Variants in THRAP3 observed in about 807,000 individuals in gnomAD.
THRAP3 encodes the protein thyroid hormone receptor associated protein 3.
In THRAP3, 16 loss-of-function variants were observed where a neutral mutation model predicts 101.0. The observed-to-expected ratio is 0.16, with a 90% confidence interval of 0.11 to 0.24. The LOEUF is 0.24. Ranked by LOEUF, THRAP3 falls within the 10% of genes least tolerant of loss-of-function variation. The pLI is 1.00. For synonymous variants in THRAP3, 407 were observed against 422.6 expected, an observed-to-expected ratio of 0.96 and a Z score of 0.45; for missense variants, 989 against 1,202.7, an observed-to-expected ratio of 0.82 and a Z score of 2.63.
intron 1 of THRAP3, among the ~76,000 whole-genome samples, chr1:36,255,303 A>G (rs981323306): frequency 6.6e-6 from 1 of 152,116 alleles, no homozygotes; most frequent in African/African-American, 2.4e-5. Context: ...GAGTGGGCAA[A>G]GTGTTTCCTT....
At position 36,255,676 on chromosome 1, in the gene THRAP3, G is replaced by T. The variant is rs556722490; in HGVS notation, c.-134-3706G>T. On this transcript the variant is annotated intron_variant, in intron 1 of 11. Transcript: ENST00000354618. ...TAATCCCAGCTACTAGGGAGGCTGA[G>T]GCAGGAGAATTGCTTGATCCCAGGA... Among the ~76,000 whole-genome samples the T allele has an allele frequency of 1.4e-4, 21 of 152,038 alleles. No homozygotes were observed. The South Asian group carries it at 3.7e-3, about 27-fold the overall frequency.
chr1:36,264,704 G>A (rs1261208798), intron 2 of THRAP3, among the ~76,000 whole-genome samples: 2 of 152,004 alleles, frequency 1.3e-5, no homozygotes, highest in Non-Finnish European at 2.9e-5. Context: ...ATCTCTTTTG[G>A]TCTTAACTGT....
intron 1 of THRAP3, among the ~76,000 whole-genome samples, chr1:36,239,328 C>A (rs886999569): frequency 1.7e-4 from 25 of 146,994 alleles, no homozygotes; most frequent in Non-Finnish European, 3.4e-4. Context: ...GGCTCGATGT[C>A]AGCTTACTAC....
Position 36,274,059 on chromosome 1 carries a change from C to CTG in THRAP3, c.-31-8458_-31-8457dup, listed in dbSNP as rs796116327. Among the ~76,000 whole-genome samples, 18 of 132,712 alleles carry CTG rather than the reference C, an allele frequency of 1.4e-4. 1 individual carries two copies. Among genetic ancestry groups the CTG allele is most frequent in the African/African-American group, 4.7e-4 (16 of 34,198 alleles). The allele number at this position is 132,712 out of a possible 152,430, so 87.1% of individuals were successfully genotyped here. ...CTCCACCTCAAAAAAAAAAAAAAGA[C>CTG]TGTGTGTGTGTGTGTGTCACACACA... On this transcript the variant is annotated intron_variant, in intron 2 of 11. Transcript: ENST00000354618.
At chr1:36,283,819 A>G (rs1206574556) in intron 3 of THRAP3, among the ~76,000 whole-genome samples, 2 of 152,184 alleles carry the variant, frequency 1.3e-5, no homozygotes, top group South Asian at 2.1e-4. Context: ...TAAACAAAGG[A>G]TTAGTAGTTT....
intron 11 of THRAP3, 29 bp from the exon 12 acceptor site, chr1:36,303,767 G>A (rs778916901): frequency 6.2e-7 from 1 of 1,613,500 alleles, no homozygotes; most frequent in Non-Finnish European, 8.5e-7. Context: ...GTTCACTCTG[G>A]CACTGATGGC....
chr1:36,304,195 G>C lies in THRAP3; in HGVS notation c.*178G>C. 1 of 987,930 alleles carries C rather than the reference G, an allele frequency of 1.0e-6. No homozygotes were observed. Among genetic ancestry groups the C allele is most frequent in the Admixed American group, 3.6e-5 (1 of 27,634 alleles). The allele number at this position is 987,930 out of a possible 1,614,324, so 61.2% of individuals were successfully genotyped here. On this transcript the variant is annotated 3_prime_UTR_variant, in exon 12 of 12. Transcript: ENST00000354618. ...TGGCGCTGTCTCCCACTGGACAGAG[G>C]AGGCTGGCCATGGGGCCCAGGGGTC...
the THRAP3 span, among the ~76,000 whole-genome samples, chr1:36,212,639 C>T: frequency 1.3e-5 from 2 of 151,996 alleles, no homozygotes; most frequent in Admixed American, 1.3e-4. Context: ...ACACTGGTCT[C>T]GAATTCCTGG....
chr1:36,254,589 T>C (rs778249851), intron 1 of THRAP3, among the ~76,000 whole-genome samples: 18 of 152,242 alleles, frequency 1.2e-4, no homozygotes, highest in Non-Finnish European at 2.5e-4. Context: ...GTGAGACCAC[T>C]GAAGGCAGTC....
the THRAP3 span, among the ~76,000 whole-genome samples, chr1:36,213,567 C>T: frequency 4.6e-5 from 7 of 152,008 alleles, no homozygotes; most frequent in South Asian, 4.2e-4. Context: ...AACTCCTGGC[C>T]GGGCGCTGTG....
In THRAP3 at chr1:36,291,518, T is replaced by C; in HGVS notation, c.1890T>C (p.His630=). 1 of 1,614,242 alleles carries C rather than the reference T, an allele frequency of 6.2e-7. No individual in the cohort carries two copies. Among genetic ancestry groups the C allele is most frequent in the Non-Finnish European group, 8.5e-7 (1 of 1,180,042 alleles). The part of the protein sequence containing the change: ...QRSPSELFAQ[H]IVTIVHHVKE... ...GCCCCTCAGAACTGTTTGCCCAACA[T>C]ATAGTGACCATTGTTCACCATGTTA... Residue 630 remains histidine (H), a synonymous_variant, in exon 6 of 12, where the codon CAT becomes CAC. Transcript: ENST00000354618.
intron 2 of THRAP3, among the ~76,000 whole-genome samples, chr1:36,272,586 G>A (rs1317273799): frequency 1.3e-5 from 2 of 152,186 alleles, no homozygotes; most frequent in Non-Finnish European, 2.9e-5. Flanking sequence ...ACTGTCCAGA[G>A]GCATTCAGAA....
chr1:36,289,300 G>T lies in THRAP3; in HGVS notation c.1281G>T (p.Lys427Asn). 6.2e-7 allele frequency: 1 copy of T among 1,614,120 alleles called. No homozygotes were observed. The highest frequency in any genetic ancestry group is 1.3e-5 in the African/African-American group (1 of 75,012). The stretch of plus-strand genomic sequence containing the variant: ...AGAAGAAGATGGCTGACTTCCACAA[G>T]GAGGAGATGGATGATCAAGATAAGG... ...DFEKKMADFH[K>N]EEMDDQDKDK... The change falls in exon 5 of 12, where the codon AAG becomes AAT. Residue 427 changes from lysine (K) to asparagine (N), a missense_variant. Transcript: ENST00000354618.
At position 36,289,496 on chromosome 1, in the gene THRAP3, G is replaced by T. The variant is rs982478251; in HGVS notation, c.1477G>T (p.Glu493Ter). Reference protein sequence around the residue: ...KQRKTEELEEESFPERSKKED... With the variant: ...KQRKTEELEE ...GAGAAAAACAGAGGAGCTGGAGGAGGAGTCTTTCCCAGAGAGATCCAAAAA... is the reference window on the plus strand; with the variant it reads ...GAGAAAAACAGAGGAGCTGGAGGAGTAGTCTTTCCCAGAGAGATCCAAAAA... Residue 493 changes from glutamate (E) to a stop codon, truncating the protein, a stop_gained, in exon 5 of 12, where the codon GAG (glutamate) becomes TAG (stop). Coordinates refer to ENST00000354618, the MANE Select transcript of THRAP3 (RefSeq NM_005119.4). LOFTEE classifies it high-confidence loss of function. The T allele has an allele frequency of 1.2e-6, 2 of 1,614,102 alleles. No individual in the cohort carries two copies. Among genetic ancestry groups the T allele is most frequent in the African/African-American group, 2.7e-5 (2 of 74,930 alleles).
rs769440710 is a variant in THRAP3 at position 36,287,551 on chromosome 1, C to T, written c.1040+281C>T. The T allele has an allele frequency of 2.2e-4, 212 of 985,214 alleles. 1 individual carries two copies. The highest frequency in any genetic ancestry group is 2.5e-4 in the Non-Finnish European group (211 of 829,912). The allele number at this position is 985,214 out of a possible 1,614,324, so 61.0% of individuals were successfully genotyped here. ...TTGCCTTGGATTCTACCAATGTAAG[C>T]CAAAGAACAGTAGAGATTTGTGGGT... On this transcript the variant is annotated intron_variant, in intron 4 of 11. Coordinates refer to ENST00000354618, the MANE Select transcript of THRAP3 (RefSeq NM_005119.4).
chr1:36,250,541 A>G (rs1418512930), intron 1 of THRAP3, among the ~76,000 whole-genome samples: 2 of 152,064 alleles, frequency 1.3e-5, no homozygotes, highest in African/African-American at 2.4e-5. Context: ...TCTCTAGTAG[A>G]GTACAATTTA....
chr1:36,265,128 C>T (rs976504030), intron 2 of THRAP3, among the ~76,000 whole-genome samples: 6 of 152,194 alleles, frequency 3.9e-5, no homozygotes, highest in African/African-American at 1.4e-4. Flanking sequence ...AGATGGGTCA[C>T]AACTGGACCC....
At chr1:36,244,967 G>A (rs1301007384) in intron 1 of THRAP3, among the ~76,000 whole-genome samples, 2 of 151,552 alleles carry the variant, frequency 1.3e-5, no homozygotes, top group Admixed American at 6.6e-5. Context: ...TGATCCACCC[G>A]CCTCGGCCTC....
chr1:36,256,357 C>G (rs1645375366), intron 1 of THRAP3, among the ~76,000 whole-genome samples: 1 of 151,864 alleles, frequency 6.6e-6, no homozygotes, highest in Non-Finnish European at 1.5e-5. Context: ...TCCTGAGTAG[C>G]TGGGACTACA....
Sources: gnomAD v4.1 joint callset for allele counts (sites outside exome capture counted in the v4.1 genomes callset) on GRCh38, gnomAD v4.1.1 for gene constraint, MANE v1.5 for transcripts, NCBI Gene and HGNC (gene_info 2026-07-23, HGNC 2026-07-21) for gene names.